Variants in GRIA3 observed in about 807,000 individuals in gnomAD.
GRIA3 encodes glutamate receptor 3.
GRIA3 carries 3 observed loss-of-function variants against 63.0 expected under a neutral mutation model. The ratio of observed to expected loss-of-function variants is 0.05; its 90% CI spans 0.02 to 0.12. The LOEUF (loss-of-function observed/expected upper bound fraction) is 0.12. Among genes scored for constraint, GRIA3 ranks in the 10% least tolerant of loss-of-function variants. The probability of loss-of-function intolerance (pLI) is 1.00; values close to 1 mark genes in which losing one functional copy is unlikely to be tolerated. For missense variants in GRIA3, 347 were observed against 700.9 expected, an observed-to-expected ratio of 0.50 and a Z score of 5.70; for synonymous variants, 274 against 257.9, an observed-to-expected ratio of 1.06 and a Z score of -0.60.
Position 123,221,700 on chromosome X carries a change from C to G in GRIA3, c.269-31603C>G, listed in dbSNP as rs144565307. Among the ~76,000 whole-genome samples the G allele has an allele frequency of 8.0e-3, 892 of 111,293 alleles. 11 individuals carry two copies. The highest frequency in any genetic ancestry group is 0.028 in the African/African-American group (843 of 30,570). On this transcript the variant is annotated intron_variant, in intron 2 of 15. Transcript: ENST00000620443. Reference sequence around the variant, plus strand: ...TGGCTGTTAACACTTTTATCCTCATCTTACACAAAGAAAATGGGGCCCAGA... The same window carrying G: ...TGGCTGTTAACACTTTTATCCTCATGTTACACAAAGAAAATGGGGCCCAGA...
intron 11 of GRIA3, among the ~76,000 whole-genome samples, chrX:123,422,207 C>A (rs774327147): frequency 8.9e-6 from 1 of 111,988 alleles, no homozygotes; most frequent in African/African-American, 3.2e-5. Context: ...AGTGTGTATG[C>A]TCAAAGTAAG....
chrX:123,269,145 A>T (rs760452578), intron 3 of GRIA3, among the ~76,000 whole-genome samples: 1 of 112,036 alleles, frequency 8.9e-6, no homozygotes, highest in Non-Finnish European at 1.9e-5. Context: ...ATCGATTAGC[A>T]AGTCAACAAG....
At chrX:123,287,294 C>T (rs921160992) in intron 3 of GRIA3, among the ~76,000 whole-genome samples, 2 of 111,545 alleles carry the variant, frequency 1.8e-5, no homozygotes, top group Non-Finnish European at 3.8e-5. Flanking sequence ...TATGACAAAC[C>T]CACAGCCAGT....
chrX:123,440,968 T>C lies in GRIA3; in HGVS notation c.2076+12829T>C, dbSNP rs548445975. Among the ~76,000 whole-genome samples, 179 of 111,711 alleles carry C rather than the reference T, an allele frequency of 1.6e-3. 1 individual carries two copies. The highest frequency in any genetic ancestry group is 9.5e-3 in the South Asian group (25 of 2,640). The stretch of plus-strand genomic sequence containing the variant: ...TTCTTGTATCAGTCAGTAACATTGA[T>C]TTTCCAACCCACTGGGTAAAGAAGT... On this transcript the variant is annotated intron_variant, in intron 12 of 15. Transcript: ENST00000620443.
At chrX:123,479,471 T>A (rs1258209317) in intron 13 of GRIA3, among the ~76,000 whole-genome samples, 1 of 112,533 alleles carries the variant, frequency 8.9e-6, no homozygotes, top group African/African-American at 3.2e-5. Context: ...TAAGAACATG[T>A]ACGTGGTACA....
At chrX:123,243,934 G>A (rs1172981015) in intron 2 of GRIA3, among the ~76,000 whole-genome samples, 1 of 112,321 alleles carries the variant, frequency 8.9e-6, no homozygotes, top group East Asian at 2.8e-4. Context: ...CACCTTTCCC[G>A]TCATCTCTGA....
Position 123,489,082 on chromosome X carries a change from T to TACACACACACACACACACACACAC in GRIA3, c.*384_*407dup, listed in dbSNP as rs34745333. On this transcript the variant is annotated 3_prime_UTR_variant, in exon 16 of 16. Coordinates refer to ENST00000620443, the MANE Select transcript of GRIA3 (RefSeq NM_007325.5). ...AGTATATAAACACCATGTTCTTTAA[T>TACACACACACACACACACACACAC]ACACACACACACACACACACACACA... 2.1e-5 allele frequency: 2 copies of TACACACACACACACACACACACAC among 94,180 alleles called. No homozygotes were observed. Among genetic ancestry groups the TACACACACACACACACACACACAC allele is most frequent in the African/African-American group, 7.7e-5 (2 of 26,033 alleles). 7.8% of individuals were successfully genotyped at this position (94,180 alleles called of 1,213,427 possible).
At chrX:123,354,532 TG>T (rs1469390624) in intron 4 of GRIA3, among the ~76,000 whole-genome samples, 1 of 111,663 alleles carries the variant, frequency 9.0e-6, no homozygotes, top group Non-Finnish European at 1.9e-5. Flanking sequence ...AAAAAAATAC[TG>T]TACATTCTAT....
intron 12 of GRIA3, among the ~76,000 whole-genome samples, chrX:123,444,082 T>C (rs1179544382): frequency 9.0e-6 from 1 of 111,125 alleles, no homozygotes; most frequent in Non-Finnish European, 1.9e-5. Context: ...GAATGAGAGA[T>C]TGCACCAAGA....
chrX:123,376,722 A>G (rs2045286687), intron 5 of GRIA3, among the ~76,000 whole-genome samples: 1 of 111,079 alleles, frequency 9.0e-6, no homozygotes, highest in Non-Finnish European at 1.9e-5. Context: ...TAGAGAGATC[A>G]GTAGGGTTGG....
At chrX:123,423,856 ATATTT>A (rs995516302) in intron 11 of GRIA3, among the ~76,000 whole-genome samples, 4 of 112,095 alleles carry the variant, frequency 3.6e-5, no homozygotes, top group Non-Finnish European at 5.6e-5. Flanking sequence ...GTCATAAAAT[ATATTT>A]TATTATTAAC....
chrX:123,381,209 C>G (rs1321634228), intron 5 of GRIA3, among the ~76,000 whole-genome samples: 1 of 110,838 alleles, frequency 9.0e-6, no homozygotes, highest in African/African-American at 3.3e-5. Flanking sequence ...ATCCAACAGC[C>G]TAAGGAGAAA....
chrX:123,426,740 A>C (rs780192220), intron 11 of GRIA3, among the ~76,000 whole-genome samples: 87 of 112,405 alleles, frequency 7.7e-4, no homozygotes, highest in African/African-American at 2.7e-3. Context: ...GTAACATTTA[A>C]GAACAAAAAT....
chrX:123,414,588 C>G (rs1368660349), intron 10 of GRIA3, among the ~76,000 whole-genome samples: 1 of 89,899 alleles, frequency 1.1e-5, no homozygotes, highest in Non-Finnish European at 2.3e-5. Context: ...CCACCCCCGA[C>G]AGGCCCCAGT....
chrX:123,421,487 T>C (rs1432563412), intron 11 of GRIA3, among the ~76,000 whole-genome samples: 2 of 112,396 alleles, frequency 1.8e-5, no homozygotes, highest in African/African-American at 6.5e-5. Flanking sequence ...ACACCAGCAG[T>C]ATACTTTATT....
chrX:123,263,536 A>G (rs1222151779), intron 3 of GRIA3, among the ~76,000 whole-genome samples: 1 of 112,050 alleles, frequency 8.9e-6, no homozygotes, highest in East Asian at 2.8e-4. Context: ...CCTGGGCTAC[A>G]CTGAACTTTT....
intron 11 of GRIA3, among the ~76,000 whole-genome samples, chrX:123,421,848 C>T (rs2045565877): frequency 8.9e-6 from 1 of 111,848 alleles, no homozygotes; most frequent in African/African-American, 3.2e-5. Flanking sequence ...AAATAATTTG[C>T]CCAGCCACAC....
At chrX:123,452,938 G>T (rs752923491) in intron 12 of GRIA3, among the ~76,000 whole-genome samples, 5 of 111,997 alleles carry the variant, frequency 4.5e-5, no homozygotes, top group Non-Finnish European at 7.5e-5. Flanking sequence ...TACACTGTTG[G>T]TGGGACTGTA....
chrX:123,470,064 C>T (rs994275235), intron 13 of GRIA3, among the ~76,000 whole-genome samples: 1 of 111,698 alleles, frequency 9.0e-6, no homozygotes, highest in Admixed American at 9.5e-5. Context: ...AATAGACTCC[C>T]AGTTTCCATA....
Sources: gnomAD v4.1 joint callset for allele counts (sites outside exome capture counted in the v4.1 genomes callset) on GRCh38, gnomAD v4.1.1 for gene constraint, MANE v1.5 for transcripts, NCBI Gene and HGNC (gene_info 2026-07-23, HGNC 2026-07-21) for gene names.